C19orf38: variants seen among roughly 807,000 people sequenced by gnomAD.
C19orf38 encodes chromosome 19 open reading frame 38.
A neutral mutation model predicts 26.6 loss-of-function variants in C19orf38; 14 were observed. The ratio of observed to expected loss-of-function variants is 0.53; its 90% CI spans 0.35 to 0.82. The LOEUF (loss-of-function observed/expected upper bound fraction) is 0.82. Ranked by LOEUF, C19orf38 falls within the 40% of genes least tolerant of loss-of-function variation. The probability of loss-of-function intolerance (pLI) is 0.01; values close to 1 mark genes in which losing one functional copy is unlikely to be tolerated. For missense variants in C19orf38, 261 were observed against 299.5 expected (o/e 0.87, Z 0.95); for synonymous variants, 132 against 128.5 (o/e 1.03, Z -0.18).
intron 6 of C19orf38, among the ~76,000 whole-genome samples, chr19:10,868,267 T>G (rs78160466): frequency 0.038 from 5,846 of 152,282 alleles, 460 homozygotes; most frequent in East Asian, 0.36. Flanking sequence ...GATCGATTAT[T>G]TTCTTTTTAC....
At chr19:10,852,571 A>G (rs1279936184) in intron 2 of C19orf38, among the ~76,000 whole-genome samples, 1 of 152,136 alleles carries the variant, frequency 6.6e-6, no homozygotes, top group Non-Finnish European at 1.5e-5. Context: ...CTGAATGATG[A>G]GGAGGAGCCA....
chr19:10,866,501 C>G (rs189389113), intron 6 of C19orf38, among the ~76,000 whole-genome samples: 1 of 151,074 alleles, frequency 6.6e-6, no homozygotes, highest in Middle Eastern at 3.2e-3. Flanking sequence ...CCACCAGGCC[C>G]GGCCTTTTTT....
chr19:10,841,372 A>T (rs1400786969), intron 1 of C19orf38, among the ~76,000 whole-genome samples: 1 of 152,026 alleles, frequency 6.6e-6, no homozygotes, highest in Non-Finnish European at 1.5e-5. Context: ...AGTCCTAGCT[A>T]CTCAGGAGGC....
intron 5 of C19orf38, among the ~76,000 whole-genome samples, chr19:10,862,484 C>T (rs559449614): frequency 9.2e-5 from 14 of 152,170 alleles, no homozygotes; most frequent in Admixed American, 2.6e-4. Context: ...GGATTACAGC[C>T]GTGAGCCACC....
At chr19:10,844,741 G>A (rs1723229372), upstream of C19orf38, among the ~76,000 whole-genome samples, 2 of 150,518 alleles carry the variant, frequency 1.3e-5, no homozygotes, top group South Asian at 2.1e-4. Context: ...CCAGCTACTC[G>A]GGAGACTGAG....
intron 4 of C19orf38, among the ~76,000 whole-genome samples, chr19:10,859,348 G>GTGTA (rs1218237019): frequency 1.4e-3 from 81 of 55,866 alleles, no homozygotes; most frequent in Non-Finnish European, 2.0e-3. Context: ...GTGTGTGTGT[G>GTGTA]TATATATATA....
chr19:10,859,379 TA>T (rs1568337689), intron 4 of C19orf38, among the ~76,000 whole-genome samples: 111 of 39,514 alleles, frequency 2.8e-3, no homozygotes, highest in South Asian at 8.3e-3. Context: ...TATATATATA[TA>T]TATATTTTTT....
intron 5 of C19orf38, chr19:10,860,232 C>G (rs1011569244): frequency 5.1e-6 from 2 of 391,590 alleles, no homozygotes; most frequent in African/African-American, 2.0e-5. Context: ...TCTTACCCCT[C>G]GGTAGAAATA....
chr19:10,838,593 G>T (rs1472579248), intron 1 of C19orf38, among the ~76,000 whole-genome samples: 1 of 152,076 alleles, frequency 6.6e-6, no homozygotes, highest in Non-Finnish European at 1.5e-5. Context: ...CGGGGTCGTT[G>T]TCTCACAGCC....
chr19:10,837,145 T>C (rs2073438598), intron 1 of C19orf38, among the ~76,000 whole-genome samples: 1 of 152,214 alleles, frequency 6.6e-6, no homozygotes, highest in African/African-American at 2.4e-5. Flanking sequence ...CGTGAAATGC[T>C]TGTTGAGTGC....
upstream of C19orf38, among the ~76,000 whole-genome samples, chr19:10,846,447 G>A (rs2073518838): frequency 6.6e-6 from 1 of 151,828 alleles, no homozygotes; most frequent in African/African-American, 2.4e-5. Context: ...TGCTGGTGAA[G>A]TTTAAATTTA....
intron 6 of C19orf38, among the ~76,000 whole-genome samples, chr19:10,866,972 T>C (rs951300855): frequency 1.1e-4 from 17 of 151,920 alleles, no homozygotes; most frequent in Non-Finnish European, 2.4e-4. Context: ...ATATTTTTAG[T>C]AGAGACAAGG....
At chr19:10,845,991 T>C (rs2073512996), upstream of C19orf38, among the ~76,000 whole-genome samples, 3 of 150,762 alleles carry the variant, frequency 2.0e-5, no homozygotes, top group South Asian at 6.3e-4. Flanking sequence ...TCAGGCTGGG[T>C]AACATAATAG....
intron 1 of C19orf38, among the ~76,000 whole-genome samples, chr19:10,839,514 C>G (rs1267108490): frequency 6.6e-6 from 1 of 152,118 alleles, no homozygotes; most frequent in Non-Finnish European, 1.5e-5. Context: ...ACACTTTGCC[C>G]CCCGCCTCTC....
At chr19:10,857,768 C>T (rs1411625342) in intron 3 of C19orf38, among the ~76,000 whole-genome samples, 1 of 151,472 alleles carries the variant, frequency 6.6e-6, no homozygotes, top group Non-Finnish European at 1.5e-5. Context: ...GTAGTCCCAG[C>T]TACATGGGAG....
intron 6 of C19orf38, among the ~76,000 whole-genome samples, chr19:10,864,648 G>T (rs1355811756): frequency 6.6e-6 from 1 of 152,206 alleles, no homozygotes; most frequent in South Asian, 2.1e-4. Flanking sequence ...GAAGGCAGGA[G>T]CCTGGAGACT....
chr19:10,859,384 A>ATT (rs1221027780), intron 4 of C19orf38, among the ~76,000 whole-genome samples: 75 of 21,030 alleles, frequency 3.6e-3, no homozygotes, highest in South Asian at 0.01. Flanking sequence ...ATATATATAT[A>ATT]TTTTTTTTTT....
intron 1 of C19orf38, among the ~76,000 whole-genome samples, chr19:10,838,286 T>G (rs2073452311): frequency 6.6e-6 from 1 of 152,102 alleles, no homozygotes; most frequent in African/African-American, 2.4e-5. Context: ...GGCGGGTGCC[T>G]GTAGTCCCAG....
At chr19:10,842,746 A>C (rs2073487915) in intron 1 of C19orf38, among the ~76,000 whole-genome samples, 1 of 152,230 alleles carries the variant, frequency 6.6e-6, no homozygotes. Context: ...CAAAAAAAAA[A>C]ACCAGAATTC....
Sources: gnomAD v4.1 joint callset for allele counts (sites outside exome capture counted in the v4.1 genomes callset) on GRCh38, gnomAD v4.1.1 for gene constraint, MANE v1.5 for transcripts, NCBI Gene and HGNC (gene_info 2026-07-23, HGNC 2026-07-21) for gene names.